The following CNTN5 variants were observed in gnomAD, a reference collection of about 807,000 sequenced individuals.
The protein encoded by CNTN5 is contactin-5.
CNTN5 carries 77 observed loss-of-function variants against 129.1 expected under a neutral mutation model. The observed-to-expected ratio is 0.60, with a 90% CI of 0.50 to 0.72. The LOEUF (loss-of-function observed/expected upper bound fraction) is 0.72, where lower values mean the gene tolerates loss of function less well. CNTN5 is among the 30% of genes least tolerant of loss of function. The pLI is 0.00. For synonymous variants in CNTN5, 509 were observed against 465.6 expected, an observed-to-expected ratio of 1.09 and a Z score of -1.20; for missense variants, 1,478 against 1,328.8, an observed-to-expected ratio of 1.11 and a Z score of -1.75.
chr11:99,999,120 C>T (rs889114873), intron 8 of CNTN5, among the ~76,000 whole-genome samples: 3 of 151,776 alleles, frequency 2.0e-5, no homozygotes, highest in African/African-American at 7.3e-5. Context: ...TCTAAAACAC[C>T]AAAAGCAATG....
intron 2 of CNTN5, among the ~76,000 whole-genome samples, chr11:99,499,594 A>G (rs1946353243): frequency 1.3e-5 from 2 of 152,210 alleles, no homozygotes; most frequent in Admixed American, 1.3e-4. Flanking sequence ...CTGTTATAGC[A>G]GAACAAATGG....
intron 2 of CNTN5, among the ~76,000 whole-genome samples, chr11:99,329,048 C>G (rs527260108): frequency 2.0e-5 from 3 of 151,886 alleles, no homozygotes; most frequent in Non-Finnish European, 2.9e-5. Flanking sequence ...GGTGGTGGGA[C>G]GGGGTGGTTC....
chr11:100,149,805 G>A (rs1441850558), intron 13 of CNTN5, among the ~76,000 whole-genome samples: 1 of 149,828 alleles, frequency 6.7e-6, no homozygotes, highest in Non-Finnish European at 1.5e-5. Flanking sequence ...TGAGGCAGAA[G>A]AATGGCGTGA....
At chr11:99,537,228 T>C (rs1947934101) in intron 2 of CNTN5, among the ~76,000 whole-genome samples, 1 of 152,226 alleles carries the variant, frequency 6.6e-6, no homozygotes, top group African/African-American at 2.4e-5. Flanking sequence ...TTTGATCTCA[T>C]ATTAAGAAAT....
chr11:99,788,415 G>A (rs773742795), intron 3 of CNTN5, among the ~76,000 whole-genome samples: 5 of 151,756 alleles, frequency 3.3e-5, no homozygotes, highest in Non-Finnish European at 3.0e-5. Context: ...GACTTATTTC[G>A]GTATATAAAT....
intron 2 of CNTN5, among the ~76,000 whole-genome samples, chr11:99,458,025 T>C (rs748994701): frequency 2.0e-4 from 30 of 152,046 alleles, no homozygotes; most frequent in Non-Finnish European, 3.7e-4. Context: ...CTGAATTATA[T>C]AATCATTATG....
At chr11:99,156,453 A>C (rs892801019) in intron 1 of CNTN5, among the ~76,000 whole-genome samples, 1 of 152,046 alleles carries the variant, frequency 6.6e-6, no homozygotes, top group African/African-American at 2.4e-5. Context: ...ATGCTCTGCT[A>C]GTGAGAGTAT....
chr11:99,897,384 A>C (rs1174904973), intron 6 of CNTN5, among the ~76,000 whole-genome samples: 1 of 152,186 alleles, frequency 6.6e-6, no homozygotes, highest in Non-Finnish European at 1.5e-5. Flanking sequence ...AAAAAATGTT[A>C]AAGGCGGCTA....
At chr11:99,186,540 T>G (rs566248437) in intron 1 of CNTN5, among the ~76,000 whole-genome samples, 1 of 152,166 alleles carries the variant, frequency 6.6e-6, no homozygotes, top group Admixed American at 6.6e-5. Context: ...TTTTTTATTT[T>G]AATTCAAATT....
intron 3 of CNTN5, among the ~76,000 whole-genome samples, chr11:99,595,016 C>G (rs1950083082): frequency 1.3e-5 from 2 of 152,036 alleles, no homozygotes; most frequent in African/African-American, 4.8e-5. Context: ...AGTTGATTTC[C>G]TGAAAGTAGA....
At chr11:99,697,208 A>C (rs1730687626) in intron 3 of CNTN5, among the ~76,000 whole-genome samples, 3 of 151,976 alleles carry the variant, frequency 2.0e-5, no homozygotes, top group Non-Finnish European at 4.4e-5. Context: ...GTAGCTGTTC[A>C]ACGCTTAAAG....
chr11:99,704,475 A>G (rs1262421985), intron 3 of CNTN5, among the ~76,000 whole-genome samples: 1 of 151,152 alleles, frequency 6.6e-6, no homozygotes, highest in East Asian at 1.9e-4. Flanking sequence ...AAATTGAGCT[A>G]TGTTTTGGTC....
intron 1 of CNTN5, among the ~76,000 whole-genome samples, chr11:99,309,301 A>C: frequency 6.6e-6 from 1 of 151,270 alleles, no homozygotes; most frequent in Non-Finnish European, 1.5e-5. Flanking sequence ...ATCCTTCCTT[A>C]AAAAAATGTT....
At chr11:99,890,343 A>G (rs751309207) in intron 6 of CNTN5, among the ~76,000 whole-genome samples, 17 of 152,146 alleles carry the variant, frequency 1.1e-4, no homozygotes, top group Non-Finnish European at 1.8e-4. Flanking sequence ...TGAAGTATAT[A>G]TATCTCAGTA....
In CNTN5 at chr11:99,238,870, T is replaced by C. The variant is rs186848220; in HGVS notation, c.-209-86476T>C. ...AAATAAAAATTCATAGATGCAAAAATATATTGATAGGAAAATAATTTATCA... is the reference window on the plus strand; with the variant it reads ...AAATAAAAATTCATAGATGCAAAAACATATTGATAGGAAAATAATTTATCA... On this transcript the variant is annotated intron_variant, in intron 1 of 24. Transcript: ENST00000524871. Among the ~76,000 whole-genome samples, 1,211 of 152,228 alleles carry C rather than the reference T, an allele frequency of 8.0e-3. 72 individuals carry two copies. Among genetic ancestry groups the C allele is most frequent in the Admixed American group, 0.073 (1,116 of 15,298 alleles).
At chr11:99,055,207 A>G (rs1373361768) in intron 1 of CNTN5, among the ~76,000 whole-genome samples, 1 of 151,994 alleles carries the variant, frequency 6.6e-6, no homozygotes, top group Non-Finnish European at 1.5e-5. Flanking sequence ...TAGCCAGTGA[A>G]AGCTTCACAG....
intron 2 of CNTN5, among the ~76,000 whole-genome samples, chr11:99,532,602 G>T (rs1167771976): frequency 6.6e-6 from 1 of 152,200 alleles, no homozygotes; most frequent in African/African-American, 2.4e-5. Flanking sequence ...CCCAGGAGGA[G>T]ATAATGGAAT....
At chr11:99,438,957 C>T (rs768389228) in intron 2 of CNTN5, among the ~76,000 whole-genome samples, 1 of 152,068 alleles carries the variant, frequency 6.6e-6, no homozygotes, top group East Asian at 1.9e-4. Context: ...ATGTAGTGAA[C>T]AAAATAAGCA....
Position 99,845,122 on chromosome 11 carries a change from G to A in CNTN5, c.437G>A (p.Ser146Asn), listed in dbSNP as rs1947642966. ...AATGGAACAGAAATAGATCTGGAAAGTGATTATCGCTACAGTTTGATAGAT... is the reference window on the plus strand; with the variant it reads ...AATGGAACAGAAATAGATCTGGAAAATGATTATCGCTACAGTTTGATAGAT... ...LRNGTEIDLE[S>N]DYRYSLIDGT... Residue 146 changes from serine to asparagine, a missense_variant, in exon 6 of 25, where the codon AGT (serine) becomes AAT (asparagine). Ser to Asn is a conservative substitution (Grantham distance 46). Coordinates refer to ENST00000524871, the MANE Select transcript of CNTN5 (RefSeq NM_014361.4). 6.2e-7 allele frequency: 1 copy of A among 1,613,580 alleles called. No individual in the cohort carries two copies. Among genetic ancestry groups the A allele is most frequent in the Admixed American group, 1.7e-5 (1 of 59,974 alleles).
Sources: allele counts gnomAD v4.1 joint callset (sites outside exome capture counted in the v4.1 genomes callset), GRCh38; gene constraint gnomAD v4.1.1; transcripts MANE v1.5; gene names NCBI Gene and HGNC (gene_info 2026-07-23, HGNC 2026-07-21).